RANBP2: variants seen among roughly 807,000 people sequenced by gnomAD.
RANBP2 encodes RAN binding protein 2.
RANBP2 carries 57 observed loss-of-function variants against 303.6 expected under a neutral mutation model. The observed-to-expected ratio is 0.19, with a 90% CI of 0.15 to 0.23. RANBP2 has a LOEUF of 0.23. Among genes scored for constraint, RANBP2 ranks in the 10% least tolerant of loss-of-function variants. RANBP2 has a pLI of 1.00. For synonymous variants in RANBP2, 1,167 were observed against 1,301.5 expected, an observed-to-expected ratio of 0.90 and a Z score of 2.23; for missense variants, 3,138 against 3,780.8, an observed-to-expected ratio of 0.83 and a Z score of 4.46.
chr2:108,908,839 C>A, the RANBP2 span, among the ~76,000 whole-genome samples: 3 of 152,126 alleles, frequency 2.0e-5, no homozygotes. Context: ...AGCAGTGAAG[C>A]CCATATGCAA....
the RANBP2 span, among the ~76,000 whole-genome samples, chr2:109,276,211 A>G: frequency 6.6e-6 from 1 of 152,236 alleles, no homozygotes; most frequent in Non-Finnish European, 1.5e-5. Flanking sequence ...CCACATCACC[A>G]TATGTGTGAG....
chr2:109,335,800 C>T, the RANBP2 span, among the ~76,000 whole-genome samples: 21 of 152,166 alleles, frequency 1.4e-4, no homozygotes, highest in Non-Finnish European at 7.3e-5. Flanking sequence ...AAAACCACTT[C>T]CTACCTTACG....
chr2:109,377,130 T>A, the RANBP2 span, among the ~76,000 whole-genome samples: 2 of 152,250 alleles, frequency 1.3e-5, no homozygotes, highest in Non-Finnish European at 2.9e-5. Flanking sequence ...CTGTAACTGT[T>A]TATTCTTGGC....
At chr2:109,727,077 C>T in the RANBP2 span, among the ~76,000 whole-genome samples, 2 of 148,568 alleles carry the variant, frequency 1.3e-5, no homozygotes, top group Non-Finnish European at 2.9e-5. Context: ...TCCTAAACCA[C>T]AAGCACTGTG....
At chr2:108,814,199 A>G in the RANBP2 span, among the ~76,000 whole-genome samples, 1 of 152,172 alleles carries the variant, frequency 6.6e-6, no homozygotes, top group East Asian at 1.9e-4. Flanking sequence ...TGTTTTGTGT[A>G]CAAATGGGAG....
At chr2:109,439,098 T>G in the RANBP2 span, among the ~76,000 whole-genome samples, 1 of 152,270 alleles carries the variant, frequency 6.6e-6, no homozygotes, top group Non-Finnish European at 1.5e-5. Context: ...AATGGAGCCC[T>G]GCCAGTCACT....
At chr2:109,762,772 A>G in the RANBP2 span, among the ~76,000 whole-genome samples, 1 of 97,648 alleles carries the variant, frequency 1.0e-5, no homozygotes, top group Non-Finnish European at 2.0e-5. Flanking sequence ...TTATGAAGGC[A>G]TGTAGACTTT....
chr2:108,770,661 TTAAAAAGAA>T (rs1285204916), intron 20 of RANBP2, among the ~76,000 whole-genome samples: 2 of 152,138 alleles, frequency 1.3e-5, no homozygotes, highest in Non-Finnish European at 2.9e-5. Flanking sequence ...AGTAGCCATA[TTAAAAAGAA>T]TAAAAAGAAA....
At chr2:108,807,597 C>G in the RANBP2 span, among the ~76,000 whole-genome samples, 3 of 151,976 alleles carry the variant, frequency 2.0e-5, no homozygotes, top group Admixed American at 6.6e-5. Context: ...GAACTTATTC[C>G]TCTTATCTGG....
chr2:109,472,339 G>A, the RANBP2 span, among the ~76,000 whole-genome samples: 11,897 of 152,074 alleles, frequency 0.078, 1,067 homozygotes, highest in African/African-American at 0.21. Flanking sequence ...CTGCACTCTC[G>A]GTGGTCTCGG....
At chr2:109,232,247 A>T in the RANBP2 span, among the ~76,000 whole-genome samples, 7 of 152,360 alleles carry the variant, frequency 4.6e-5, no homozygotes, top group Non-Finnish European at 1.0e-4. Context: ...TAGGAGAATT[A>T]CAGTTCCCCA....
the RANBP2 span, among the ~76,000 whole-genome samples, chr2:109,045,711 G>T: frequency 6.6e-6 from 1 of 152,154 alleles, no homozygotes; most frequent in Non-Finnish European, 1.5e-5. Context: ...GTTCCTGTGT[G>T]TGTTTACTTT....
At chr2:109,631,784 A>G in the RANBP2 span, among the ~76,000 whole-genome samples, 1 of 151,982 alleles carries the variant, frequency 6.6e-6, no homozygotes, top group African/African-American at 2.4e-5. Context: ...AAGAAATCTC[A>G]TTATCTCTGT....
chr2:108,885,168 C>T, the RANBP2 span: 1 of 152,220 alleles, frequency 6.6e-6, no homozygotes, highest in East Asian at 1.9e-4. Flanking sequence ...TTACCCGCCC[C>T]CAATGCTGGA....
the RANBP2 span, among the ~76,000 whole-genome samples, chr2:109,272,047 C>T: frequency 6.6e-6 from 1 of 152,154 alleles, no homozygotes; most frequent in Non-Finnish European, 1.5e-5. Context: ...GGGGTGCTGC[C>T]CTGTCCCATC....
chr2:109,222,550 T>C, the RANBP2 span, among the ~76,000 whole-genome samples: 1 of 151,842 alleles, frequency 6.6e-6, no homozygotes, highest in Non-Finnish European at 1.5e-5. Flanking sequence ...GGGGCAAGGG[T>C]GAGAGGCCAG....
At chr2:108,984,826 C>T in the RANBP2 span, among the ~76,000 whole-genome samples, 1 of 152,278 alleles carries the variant, frequency 6.6e-6, no homozygotes, top group South Asian at 2.1e-4. Context: ...CAGCATGGTG[C>T]CTGGCATGTA....
the RANBP2 span, among the ~76,000 whole-genome samples, chr2:109,372,764 A>C: frequency 1.6e-3 from 250 of 152,238 alleles, 3 homozygotes; most frequent in African/African-American, 5.9e-3. Flanking sequence ...CAGTTTACTC[A>C]GCTCAGTGCT....
At chr2:108,777,891 A>G (rs566270858) in intron 25 of RANBP2, among the ~76,000 whole-genome samples, 1 of 152,164 alleles carries the variant, frequency 6.6e-6, no homozygotes, top group Non-Finnish European at 1.5e-5. Flanking sequence ...TATTGAGGAT[A>G]TGTGCTTAAA....
Sources: allele counts gnomAD v4.1 joint callset (sites outside exome capture counted in the v4.1 genomes callset), GRCh38; gene constraint gnomAD v4.1.1; transcripts MANE v1.5; gene names NCBI Gene and HGNC (gene_info 2026-07-23, HGNC 2026-07-21).